The following RBFOX1 variants were observed in gnomAD, a reference collection of about 807,000 sequenced individuals.
RBFOX1 encodes RNA binding fox-1 homolog 1.
In RBFOX1, 8 loss-of-function variants were observed where a neutral mutation model predicts 57.7. The observed-to-expected ratio is 0.14, with a 90% CI of 0.08 to 0.25. The LOEUF (loss-of-function observed/expected upper bound fraction) is 0.25, where lower values mean the gene tolerates loss of function less well. Among genes scored for constraint, RBFOX1 ranks in the 10% least tolerant of loss-of-function variants. The pLI, the probability that RBFOX1 is intolerant of heterozygous loss-of-function variation, is 1.00. For synonymous variants in RBFOX1, 326 were observed against 222.4 expected (o/e 1.47, Z -4.15); for missense variants, 611 against 548.5 (o/e 1.11, Z -1.14).
intron 1 of RBFOX1, chr16:5,366,372 A>G: frequency 2.6e-6 from 1 of 388,426 alleles, no homozygotes; most frequent in Non-Finnish European, 5.0e-6. Context: ...AACTGAAGAA[A>G]AGTACCAGTG....
intron 2 of RBFOX1, among the ~76,000 whole-genome samples, chr16:5,517,408 G>T (rs78182251): frequency 0.042 from 6,403 of 152,256 alleles, 460 homozygotes; most frequent in African/African-American, 0.14. Flanking sequence ...GACTTTTCCA[G>T]ATGGTAGCCT....
intron 3 of RBFOX1, among the ~76,000 whole-genome samples, chr16:6,925,126 T>G (rs1238665129): frequency 1.1e-5 from 1 of 88,392 alleles, no homozygotes; most frequent in African/African-American, 4.8e-5. Context: ...TTTTTTTTTT[T>G]TTTTTTTTTT....
At chr16:7,679,287 C>G (rs1424530545) in intron 14 of RBFOX1, among the ~76,000 whole-genome samples, 2 of 152,100 alleles carry the variant, frequency 1.3e-5, no homozygotes, top group Admixed American at 1.3e-4. Context: ...TTAAAGATGC[C>G]AAGTACCTAT....
At chr16:7,392,882 T>G (rs2098062833) in intron 4 of RBFOX1, among the ~76,000 whole-genome samples, 1 of 152,008 alleles carries the variant, frequency 6.6e-6, no homozygotes, top group Non-Finnish European at 1.5e-5. Context: ...TTTGTTTGTT[T>G]GTTTGTTTTG....
chr16:6,814,552 G>C (rs907494546), intron 3 of RBFOX1, among the ~76,000 whole-genome samples: 2 of 152,102 alleles, frequency 1.3e-5, no homozygotes, highest in Non-Finnish European at 2.9e-5. Context: ...GTGCTGTGAA[G>C]GGAAGTTACA....
Position 5,885,879 on chromosome 16 carries a change from C to T in RBFOX1, c.351+18544C>T, listed in dbSNP as rs888991087. On this transcript the variant is annotated intron_variant, in intron 4 of 19. Transcript: ENST00000641259. Reference sequence around the variant, plus strand: ...TTACTGATACAGGTTGGCTCTGTGACCCCACCCAAATCTCGTGTTGAATTG... The same window carrying T: ...TTACTGATACAGGTTGGCTCTGTGATCCCACCCAAATCTCGTGTTGAATTG... Among the ~76,000 whole-genome samples the T allele has an allele frequency of 1.6e-4, 25 of 152,082 alleles. 1 individual carries two copies. The highest frequency in any genetic ancestry group is 1.4e-3 in the Admixed American group (22 of 15,260).
At chr16:5,899,643 C>G (rs1413625123) in intron 4 of RBFOX1, among the ~76,000 whole-genome samples, 1 of 152,114 alleles carries the variant, frequency 6.6e-6, no homozygotes, top group Non-Finnish European at 1.5e-5. Flanking sequence ...GGGTCAAAAC[C>G]CCTCCCTGGT....
chr16:7,379,169 C>A (rs1381461660), intron 4 of RBFOX1, among the ~76,000 whole-genome samples: 1 of 152,108 alleles, frequency 6.6e-6, no homozygotes, highest in African/African-American at 2.4e-5. Flanking sequence ...AACTCTCTTT[C>A]CTCTCAAGGT....
rs531762619 is a variant in RBFOX1, at chr16:5,823,965, A to G, written c.319-43338A>G. Among the ~76,000 whole-genome samples, 52 of 152,334 alleles carry G rather than the reference A, an allele frequency of 3.4e-4. 1 individual carries two copies. The highest frequency in any genetic ancestry group is 1.2e-3 in the African/African-American group (50 of 41,582). ...TGGAAAAATTGTCTTCCATGAAACC[A>G]GTCCCTGGTGCCAAAAAGGCTGGGA... is the stretch of plus-strand genomic sequence containing the variant. On this transcript the variant is annotated intron_variant, in intron 3 of 19. Transcript: ENST00000641259.
chr16:6,351,617 G>A (rs551697639), intron 2 of RBFOX1, among the ~76,000 whole-genome samples: 21 of 151,880 alleles, frequency 1.4e-4, no homozygotes, highest in African/African-American at 3.9e-4. Flanking sequence ...CAGGTGATCC[G>A]CCCGTCTTGG....
At chr16:6,565,223 T>C (rs1182260527) in intron 2 of RBFOX1, among the ~76,000 whole-genome samples, 2 of 150,442 alleles carry the variant, frequency 1.3e-5, no homozygotes, top group Non-Finnish European at 3.0e-5. Flanking sequence ...CAAATAGCCA[T>C]AGGCCCCCAA....
chr16:6,718,367 A>G (rs1353515553), intron 3 of RBFOX1, among the ~76,000 whole-genome samples: 1 of 152,230 alleles, frequency 6.6e-6, no homozygotes, highest in African/African-American at 2.4e-5. Flanking sequence ...ATAGATGATA[A>G]GGAAGTAACT....
At chr16:6,356,007 G>A (rs922155632) in intron 2 of RBFOX1, among the ~76,000 whole-genome samples, 1 of 152,174 alleles carries the variant, frequency 6.6e-6, no homozygotes, top group Non-Finnish European at 1.5e-5. Flanking sequence ...GCAGAAGAAA[G>A]TAGCATTAGA....
At chr16:7,018,748 C>G (rs11642626) in intron 3 of RBFOX1, among the ~76,000 whole-genome samples, 11,108 of 151,572 alleles carry the variant, frequency 0.073, 696 homozygotes, top group East Asian at 0.3. Flanking sequence ...ATGTAACAAA[C>G]CTGCACGTTG....
rs999373870 is a variant in RBFOX1 at position 5,867,239 on chromosome 16, G to T, written c.319-64G>T. ...TTATTGATGCCAGTTCCTTTAAAAA[G>T]ACAATTAATCCAATTACCTTCTTGT... On this transcript the variant is annotated intron_variant, in intron 3 of 19. Transcript: ENST00000641259. 23 of 1,104,510 alleles carry T rather than the reference G, an allele frequency of 2.1e-5. No homozygotes were observed. The Middle Eastern group carries it at 1.3e-3, about 64-fold the overall frequency. 68.4% of individuals were successfully genotyped at this position (1,104,510 alleles called of 1,614,324 possible).
intron 1 of RBFOX1, among the ~76,000 whole-genome samples, chr16:6,110,478 A>G (rs187492080): frequency 6.6e-6 from 1 of 152,274 alleles, no homozygotes; most frequent in East Asian, 1.9e-4. Context: ...AGTAGTGTGC[A>G]TTTTTAAGCA....
intron 1 of RBFOX1, among the ~76,000 whole-genome samples, chr16:5,457,774 CTTATT>C (rs2068674727): frequency 6.6e-6 from 1 of 152,232 alleles, no homozygotes; most frequent in South Asian, 2.1e-4. Flanking sequence ...CTTCCTGGTA[CTTATT>C]TTAATTGTTG....
intron 2 of RBFOX1, among the ~76,000 whole-genome samples, chr16:6,557,513 T>C (rs1248214309): frequency 1.3e-5 from 2 of 150,276 alleles, no homozygotes; most frequent in Non-Finnish European, 2.9e-5. Flanking sequence ...TGCAGTAATA[T>C]ATGGAATTAC....
At chr16:6,425,416 G>T (rs1177622635) in intron 2 of RBFOX1, among the ~76,000 whole-genome samples, 1 of 152,124 alleles carries the variant, frequency 6.6e-6, no homozygotes, top group East Asian at 1.9e-4. Context: ...TGGCAGTAGT[G>T]TTCAATTTGC....
Sources: allele counts gnomAD v4.1 joint callset (sites outside exome capture counted in the v4.1 genomes callset), GRCh38; gene constraint gnomAD v4.1.1; transcripts MANE v1.5; gene names NCBI Gene and HGNC (gene_info 2026-07-23, HGNC 2026-07-21).